Variants in CLDN14 observed in about 807,000 individuals in gnomAD.
The protein encoded by CLDN14 is claudin-14.
CLDN14 carries 2 observed loss-of-function variants against 2.1 expected under a neutral mutation model. The observed-to-expected ratio is 0.96, with a 90% CI of 0.39 to 3.01. CLDN14 has a LOEUF of 3.01. Among genes scored for constraint, CLDN14 ranks in the 30% most tolerant of loss-of-function variants. The pLI is 0.09. For synonymous variants in CLDN14, 136 were observed against 154.4 expected, an observed-to-expected ratio of 0.88 and a Z score of 0.88; for missense variants, 298 against 328.0, an observed-to-expected ratio of 0.91 and a Z score of 0.71.
intron 1 of CLDN14, among the ~76,000 whole-genome samples, chr21:36,529,137 G>A (rs561956262): frequency 2.6e-5 from 4 of 152,320 alleles, no homozygotes; most frequent in African/African-American, 9.6e-5. Flanking sequence ...ATGTTTGAAA[G>A]GATGTATCTT....
At chr21:36,470,054 A>G (rs1184910269) in intron 1 of CLDN14, among the ~76,000 whole-genome samples, 1 of 152,200 alleles carries the variant, frequency 6.6e-6, no homozygotes, top group African/African-American at 2.4e-5. Context: ...AACAACAACA[A>G]AAAAACAATA....
chr21:36,488,730 T>C (rs1050127722), intron 2 of CLDN14, among the ~76,000 whole-genome samples: 2 of 151,946 alleles, frequency 1.3e-5, no homozygotes, highest in Admixed American at 6.6e-5. Context: ...AGAGGGATGG[T>C]GGTGGATGGC....
chr21:36,559,561 T>A lies in CLDN14; in HGVS notation c.-220+16850A>T, dbSNP rs879220720. 2.0e-5 allele frequency among the ~76,000 whole-genome samples: 3 copies of A among 152,212 alleles called. No individual in the cohort carries two copies. The East Asian group carries it at 5.8e-4, about 29-fold the overall frequency. On this transcript the variant is annotated intron_variant, in intron 1 of 2. Coordinates refer to the CLDN14 transcript ENST00000342108. Reference sequence around the variant, plus strand: ...GTCCTTTCTGCACCTATTGAGATTATCATGTGATTTTTTTTGATAACATGG... The same window carrying A: ...GTCCTTTCTGCACCTATTGAGATTAACATGTGATTTTTTTTGATAACATGG...
chr21:36,461,535 C>T lies in CLDN14; in HGVS notation c.161G>A (p.Cys54Tyr). The change falls in exon 2 of 2, where the codon TGT becomes TAT. Residue 54 changes from cysteine (C) to tyrosine (Y), a missense_variant. Transcript: ENST00000399135. The part of the protein sequence containing the change: ...VSYLKGLWME[C>Y]VWHSTGIYQC... Reference sequence around the variant, plus strand: ...GTAGATGCCTGTGCTGTGCCACACACACTCCATCCAGAGCCCTTTCAGGTA... The same window carrying T: ...GTAGATGCCTGTGCTGTGCCACACATACTCCATCCAGAGCCCTTTCAGGTA... 6.2e-7 allele frequency: 1 copy of T among 1,613,448 alleles called. No individual in the cohort carries two copies. Among genetic ancestry groups the T allele is most frequent in the South Asian group, 1.1e-5 (1 of 91,070 alleles).
At chr21:36,464,461 T>C (rs2086620448) in intron 1 of CLDN14, among the ~76,000 whole-genome samples, 1 of 152,222 alleles carries the variant, frequency 6.6e-6, no homozygotes, top group South Asian at 2.1e-4. Flanking sequence ...CTATGCACGA[T>C]GCTGGCTTTG....
intron 1 of CLDN14, among the ~76,000 whole-genome samples, chr21:36,541,316 C>G (rs903328361): frequency 6.6e-6 from 1 of 152,110 alleles, no homozygotes. Flanking sequence ...GAAATGACTT[C>G]TAATAAAACT....
chr21:36,503,286 TC>T (rs1267942999), intron 2 of CLDN14, among the ~76,000 whole-genome samples: 1 of 152,168 alleles, frequency 6.6e-6, no homozygotes, highest in Admixed American at 6.5e-5. Context: ...GCTCCTGACC[TC>T]AAGTGATCCA....
At chr21:36,558,050 T>C (rs1309674875) in intron 1 of CLDN14, among the ~76,000 whole-genome samples, 1 of 152,194 alleles carries the variant, frequency 6.6e-6, no homozygotes, top group Admixed American at 6.5e-5. Flanking sequence ...TTCTCTGGTG[T>C]ACCGGTATTA....
chr21:36,461,140 G>T lies in CLDN14; in HGVS notation c.556C>A (p.Gln186Lys), dbSNP rs770259212. The change falls in exon 2 of 2, where the codon CAG becomes AAG. Residue 186 changes from glutamine (Q) to lysine (K), a missense_variant. Gln to Lys is a moderately conservative substitution (Grantham distance 53, BLOSUM62 1). Coordinates refer to ENST00000399135, the MANE Select transcript of CLDN14 (RefSeq NM_001146079.2). ...TAGGGCCTGTAGGGTGCCTCGTCCT[G>T]GCAGGACAGGCAAAGCAGGGTGCCA... ...IGGTLLCLSC[Q>K]DEAPYRPYQA... The T allele has an allele frequency of 6.2e-7, 1 of 1,613,896 alleles. No individual in the cohort carries two copies. The highest frequency in any genetic ancestry group is 8.5e-7 in the Non-Finnish European group (1 of 1,179,766).
intron 1 of CLDN14, among the ~76,000 whole-genome samples, chr21:36,540,572 C>A (rs1480415631): frequency 1.3e-5 from 2 of 152,060 alleles, no homozygotes; most frequent in East Asian, 3.9e-4. Context: ...TCTGAAATCC[C>A]ACTCGTTCCT....
upstream of CLDN14, among the ~76,000 whole-genome samples, chr21:36,482,327 T>C (rs1251912912): frequency 2.6e-5 from 2 of 77,840 alleles, no homozygotes; most frequent in African/African-American, 5.0e-5. Context: ...AATGTTTCAA[T>C]AGATGGATGG....
intron 1 of CLDN14, among the ~76,000 whole-genome samples, chr21:36,575,401 T>A (rs927090138): frequency 6.6e-6 from 1 of 152,238 alleles, no homozygotes; most frequent in Non-Finnish European, 1.5e-5. Context: ...AGGACCATCA[T>A]TATTCCCATT....
intron 1 of CLDN14, among the ~76,000 whole-genome samples, chr21:36,469,721 C>T (rs1264399176): frequency 2.6e-5 from 4 of 152,078 alleles, no homozygotes; most frequent in Admixed American, 6.6e-5. Flanking sequence ...ATTGATTTAC[C>T]GAAAACTACA....
rs1004047573 is a variant in CLDN14 at position 36,501,937 on chromosome 21, T to A, written c.-82+8426A>T. 1.7e-3 allele frequency among the ~76,000 whole-genome samples: 229 copies of A among 136,452 alleles called. 3 individuals are homozygous for A. The highest frequency in any genetic ancestry group is 3.0e-3 in the Non-Finnish European group (181 of 59,796). 89.5% of individuals were successfully genotyped at this position (136,452 alleles called of 152,430 possible). On this transcript the variant is annotated intron_variant, in intron 2 of 2. Transcript: ENST00000342108. ...TTTGAAAAGACCTTTTTTTTTTTTT[T>A]AAATCAAATCCAAGGAACCCAAAAG... is the stretch of plus-strand genomic sequence containing the variant.
At chr21:36,569,443 G>A (rs1350183867) in intron 1 of CLDN14, among the ~76,000 whole-genome samples, 4 of 151,774 alleles carry the variant, frequency 2.6e-5, no homozygotes, top group East Asian at 1.9e-4. Flanking sequence ...AGTAAATAAA[G>A]CGAAAGTGTT....
intron 1 of CLDN14, among the ~76,000 whole-genome samples, chr21:36,462,847 G>A (rs1437921630): frequency 6.6e-6 from 1 of 151,758 alleles, no homozygotes. Context: ...GAACCAGGAA[G>A]GCTGAGGTTG....
At chr21:36,487,023 C>G (rs1488421288) in intron 2 of CLDN14, 3 of 284,972 alleles carry the variant, frequency 1.1e-5, no homozygotes, top group Non-Finnish European at 2.0e-5. Context: ...CTTGCTCTGT[C>G]ACCTAGGCTG....
intron 2 of CLDN14, among the ~76,000 whole-genome samples, chr21:36,497,160 AGGGAGGG>A: frequency 5.7e-5 from 1 of 17,464 alleles, no homozygotes; most frequent in Non-Finnish European, 1.2e-4. Context: ...GAAGGGAGGG[AGGGAGGG>A]AGGAAGGGAG....
At chr21:36,510,641 C>T (rs947730704) in intron 1 of CLDN14, 4 of 152,242 alleles carry the variant, frequency 2.6e-5, no homozygotes, top group African/African-American at 9.6e-5. Flanking sequence ...GGAGGAAAAC[C>T]CCTTACTACA....
Sources: allele counts gnomAD v4.1 joint callset (sites outside exome capture counted in the v4.1 genomes callset), GRCh38; gene constraint gnomAD v4.1.1; transcripts MANE v1.5; gene names NCBI Gene and HGNC (gene_info 2026-07-23, HGNC 2026-07-21).